Variants in GRAMD2B observed in about 807,000 individuals in gnomAD.
The protein encoded by GRAMD2B is GRAM domain containing 2B.
A neutral mutation model predicts 59.2 loss-of-function variants in GRAMD2B; 41 were observed. The observed-to-expected ratio is 0.69, with a 90% CI of 0.54 to 0.90. GRAMD2B has a LOEUF of 0.90. GRAMD2B is among the 40% of genes least tolerant of loss of function. GRAMD2B has a pLI of 0.00. For synonymous variants in GRAMD2B, 161 were observed against 182.7 expected, an observed-to-expected ratio of 0.88 and a Z score of 0.96; for missense variants, 424 against 500.5, an observed-to-expected ratio of 0.85 and a Z score of 1.46.
chr5:126,465,562 C>G lies in GRAMD2B; in HGVS notation c.203+17C>G, dbSNP rs767060082. The G allele has an allele frequency of 6.2e-7, 1 of 1,609,978 alleles. No individual in the cohort carries two copies. The highest frequency in any genetic ancestry group is 8.5e-7 in the Non-Finnish European group (1 of 1,178,582). On this transcript the variant is annotated intron_variant, in intron 2 of 13. Transcript: ENST00000285689. Reference sequence around the variant, plus strand: ...TAGCCTATGGTAAGTCCTCCGTTGACTCTCTTTGTTCTCTTTTGTCTTTTG... The same window carrying G: ...TAGCCTATGGTAAGTCCTCCGTTGAGTCTCTTTGTTCTCTTTTGTCTTTTG...
chr5:126,418,313 G>A (rs1160383651), intron 1 of GRAMD2B, among the ~76,000 whole-genome samples: 1 of 152,192 alleles, frequency 6.6e-6, no homozygotes, highest in East Asian at 1.9e-4. Flanking sequence ...TTAATGTATT[G>A]TTTCTGTGGC....
rs999593474 is a variant in GRAMD2B, at chr5:126,465,064, C to G, written c.84-362C>G. ...GAAGGCTCACACCTGCAGGAGGCCA[C>G]ACGTGAGCGTGTGTACATGTGCGTG... On this transcript the variant is annotated intron_variant, in intron 1 of 13. Transcript: ENST00000285689. 6 of 1,044,468 alleles carry G rather than the reference C, an allele frequency of 5.7e-6. No homozygotes were observed. The African/African-American group carries it at 1.0e-4, about 18-fold the overall frequency. The allele number at this position is 1,044,468 out of a possible 1,614,324, so 64.7% of individuals were successfully genotyped here.
Position 126,380,433 on chromosome 5 carries a change from G to A in GRAMD2B, c.125+8866G>A, listed in dbSNP as rs138601271. 3.1e-3 allele frequency among the ~76,000 whole-genome samples: 479 copies of A among 152,082 alleles called. 3 individuals carry two copies. Among genetic ancestry groups the A allele is most frequent in the African/African-American group, 0.011 (461 of 41,506 alleles). ...TAGGATTTTTTTTTTCTAGTTCTGT[G>A]AAGAATGATAGTGGTATTTTGATGG... On this transcript the variant is annotated intron_variant, in intron 1 of 8. Coordinates refer to the GRAMD2B transcript ENST00000506445.
chr5:126,486,832 G>A (rs1172398600), intron 11 of GRAMD2B, 41 bp from the exon 12 acceptor site: 1 of 1,241,170 alleles, frequency 8.1e-7, no homozygotes, highest in South Asian at 1.2e-5. Flanking sequence ...TCAGATCCTG[G>A]CCGTTAACCT....
chr5:126,410,229 G>T (rs1427184074), intron 1 of GRAMD2B, among the ~76,000 whole-genome samples: 1 of 151,982 alleles, frequency 6.6e-6, no homozygotes, highest in Non-Finnish European at 1.5e-5. Context: ...TGTGAAGAAC[G>T]TCATTGGTAG....
At chr5:126,391,794 G>A (rs1015829917) in intron 1 of GRAMD2B, among the ~76,000 whole-genome samples, 1 of 152,140 alleles carries the variant, frequency 6.6e-6, no homozygotes, top group African/African-American at 2.4e-5. Context: ...GGTTTTTTGG[G>A]GAGGGTGATG....
rs537527816 is a variant in GRAMD2B at position 126,462,797 on chromosome 5, A to C, written c.84-2629A>C. 6.0e-4 allele frequency among the ~76,000 whole-genome samples: 91 copies of C among 152,310 alleles called. 3 individuals carry two copies. The South Asian group carries it at 0.018, about 31-fold the overall frequency. On this transcript the variant is annotated intron_variant, in intron 1 of 13. Transcript: ENST00000285689. Reference sequence around the variant, plus strand: ...GCATAGAGACTTTTAAGCAGTGTGGAGGATGTGTCCCCTGGCTAGGGCCTT... The same window carrying C: ...GCATAGAGACTTTTAAGCAGTGTGGCGGATGTGTCCCCTGGCTAGGGCCTT...
intron 1 of GRAMD2B, among the ~76,000 whole-genome samples, chr5:126,415,504 A>G (rs1408243256): frequency 6.6e-6 from 1 of 152,142 alleles, no homozygotes; most frequent in Non-Finnish European, 1.5e-5. Context: ...GGGAGGAAGG[A>G]AGCCAGGAAG....
chr5:126,375,279 T>C (rs1755077867), intron 1 of GRAMD2B, among the ~76,000 whole-genome samples: 1 of 152,184 alleles, frequency 6.6e-6, no homozygotes, highest in Non-Finnish European at 1.5e-5. Flanking sequence ...ATAATAAACC[T>C]GTAGACACTA....
At chr5:126,411,862 T>TGTGTGTGTGTGTGTGTGTG (rs1580844089) in intron 1 of GRAMD2B, among the ~76,000 whole-genome samples, 3 of 32,258 alleles carry the variant, frequency 9.3e-5, no homozygotes, top group Admixed American at 3.2e-4. Flanking sequence ...GTGTGTGTGT[T>TGTGTGTGTGTGTGTGTGTG]TGTGTGTCTA....
At chr5:126,484,018 C>T (rs180835691) in intron 9 of GRAMD2B, among the ~76,000 whole-genome samples, 23 of 152,244 alleles carry the variant, frequency 1.5e-4, no homozygotes, top group African/African-American at 4.8e-4. Flanking sequence ...TTAGTAGAGA[C>T]GGGGTTTCAC....
At chr5:126,486,689 T>A (rs929204377) in intron 11 of GRAMD2B, among the ~76,000 whole-genome samples, 184 bp from the exon 12 acceptor site, 1 of 152,190 alleles carries the variant, frequency 6.6e-6, no homozygotes, top group African/African-American at 2.4e-5. Context: ...ATTTTAAGTC[T>A]CTTCTAGCTG....
chr5:126,407,203 T>C (rs1347099464), intron 1 of GRAMD2B, among the ~76,000 whole-genome samples: 2 of 152,058 alleles, frequency 1.3e-5, no homozygotes, highest in African/African-American at 2.4e-5. Context: ...TTTGGTTCAT[T>C]AGGTGCCTAG....
chr5:126,371,370 T>A, exon 1 of GRAMD2B: 1 of 1,214,444 alleles, frequency 8.2e-7, no homozygotes, highest in Non-Finnish European at 1.1e-6. Flanking sequence ...ACGCAGAGAT[T>A]TTCATATTAT....
At chr5:126,383,657 A>G (rs1217553594) in intron 1 of GRAMD2B, among the ~76,000 whole-genome samples, 3 of 152,246 alleles carry the variant, frequency 2.0e-5, no homozygotes, top group African/African-American at 4.8e-5. Flanking sequence ...CTATGCGAAC[A>G]AATTAGTCCA....
At chr5:126,374,788 G>A (rs17154493) in intron 1 of GRAMD2B, among the ~76,000 whole-genome samples, 1,937 of 152,110 alleles carry the variant, frequency 0.013, 35 homozygotes, top group African/African-American at 0.044. Flanking sequence ...CTGTCCTTTC[G>A]TCACTAATCT....
At chr5:126,422,825 T>G (rs1443880479), upstream of GRAMD2B, among the ~76,000 whole-genome samples, 1 of 152,100 alleles carries the variant, frequency 6.6e-6, no homozygotes, top group Non-Finnish European at 1.5e-5. Flanking sequence ...GGCTTGGGAA[T>G]TATCAAACAC....
chr5:126,410,985 A>C (rs1001954024), intron 1 of GRAMD2B, among the ~76,000 whole-genome samples: 2 of 151,820 alleles, frequency 1.3e-5, no homozygotes, highest in African/African-American at 4.8e-5. Context: ...CAATTGTTTA[A>C]GTTCCTTCTA....
chr5:126,439,019 G>A (rs892483333), intron 1 of GRAMD2B, among the ~76,000 whole-genome samples: 6 of 152,158 alleles, frequency 3.9e-5, no homozygotes, highest in Middle Eastern at 3.2e-3. Context: ...GTACACAACC[G>A]TCTGAGCCAT....
Sources: gnomAD v4.1 joint callset for allele counts (sites outside exome capture counted in the v4.1 genomes callset) on GRCh38, gnomAD v4.1.1 for gene constraint, MANE v1.5 for transcripts, NCBI Gene and HGNC (gene_info 2026-07-23, HGNC 2026-07-21) for gene names.